Variants in HAUS8 observed in about 807,000 individuals in gnomAD.
The protein encoded by HAUS8 is HAUS augmin-like complex subunit 8.
A neutral mutation model predicts 42.9 loss-of-function variants in HAUS8; 38 were observed. That is an observed-to-expected ratio of 0.89 (90% CI 0.68 to 1.16). HAUS8 has a LOEUF of 1.16. Among genes scored for constraint, HAUS8 ranks in the 50% most tolerant of loss-of-function variants. The pLI is 0.00. For synonymous variants in HAUS8, 199 were observed against 205.8 expected, an observed-to-expected ratio of 0.97 and a Z score of 0.28; for missense variants, 494 against 511.6, an observed-to-expected ratio of 0.97 and a Z score of 0.33.
chr19:17,069,304 G>A (rs1395313820), intron 2 of HAUS8, among the ~76,000 whole-genome samples: 1 of 152,058 alleles, frequency 6.6e-6, no homozygotes, highest in African/African-American at 2.4e-5. Flanking sequence ...CAAGCCATGT[G>A]TGGAGTCACA....
intron 3 of HAUS8, 123 bp from the exon 4 acceptor site, chr19:17,062,902 G>C: frequency 1.4e-6 from 1 of 728,160 alleles, no homozygotes; most frequent in Non-Finnish European, 2.4e-6. Flanking sequence ...GACATTTAAA[G>C]AGGTTTGAAA....
intron 9 of HAUS8, among the ~76,000 whole-genome samples, chr19:17,055,583 G>T (rs2123363273): frequency 6.6e-6 from 1 of 152,178 alleles, no homozygotes; most frequent in Non-Finnish European, 1.5e-5. Flanking sequence ...CGGCATATTT[G>T]TTGGGAGCAG....
Position 17,058,581 on chromosome 19 carries a change from T to C in HAUS8, c.613A>G (p.Lys205Glu). The change falls in exon 8 of 11, where the codon AAG (lysine) becomes GAG (glutamate). Residue 205 changes from lysine (K) to glutamate (E), a missense_variant. By Grantham distance (56) the Lys-to-Glu change is moderately conservative (BLOSUM62 1). Coordinates refer to ENST00000253669, the MANE Select transcript of HAUS8 (RefSeq NM_033417.2). ...TCCAGGACATCTGCCAGCTCCCGCT[T>C]CCTCTGAGAGAGGAGAAGCCTGCGC... ...LKRRLLLSQR[K>E]RELADVLDAQ... The C allele has an allele frequency of 6.2e-7, 1 of 1,609,106 alleles. No individual in the cohort carries two copies. Among genetic ancestry groups the C allele is most frequent in the South Asian group, 1.1e-5 (1 of 90,292 alleles).
At chr19:17,052,202 A>C (rs1229345078) in intron 10 of HAUS8, 3 of 151,742 alleles carry the variant, frequency 2.0e-5, no homozygotes, top group Non-Finnish European at 4.4e-5. Flanking sequence ...TCTTGGCCTA[A>C]AGTGATTCTC....
At chr19:17,067,853 TC>T (rs767041973) in intron 3 of HAUS8, among the ~76,000 whole-genome samples, 1 of 152,146 alleles carries the variant, frequency 6.6e-6, no homozygotes, top group Non-Finnish European at 1.5e-5. Flanking sequence ...GAGGGAAGAA[TC>T]CAACCTTGAC....
At chr19:17,072,338 CT>C (rs71180355) in intron 2 of HAUS8, among the ~76,000 whole-genome samples, 16,579 of 87,406 alleles carry the variant, frequency 0.19, 458 homozygotes, top group African/African-American at 0.23. Flanking sequence ...CGAGCATTTC[CT>C]TTTTTTTTTT....
chr19:17,066,671 G>C (rs2057388847), intron 3 of HAUS8, among the ~76,000 whole-genome samples: 1 of 152,206 alleles, frequency 6.6e-6, no homozygotes, highest in South Asian at 2.1e-4. Context: ...GGAACCCTCA[G>C]AAGTCCTGTG....
intron 10 of HAUS8, among the ~76,000 whole-genome samples, chr19:17,051,075 C>A (rs1300842651): frequency 6.6e-6 from 1 of 152,016 alleles, no homozygotes; most frequent in African/African-American, 2.4e-5. Flanking sequence ...TAATAATAAT[C>A]CCCAATGTGG....
At chr19:17,068,334 G>A (rs1238263826) in intron 3 of HAUS8, among the ~76,000 whole-genome samples, 3 of 151,890 alleles carry the variant, frequency 2.0e-5, no homozygotes, top group Non-Finnish European at 4.4e-5. Context: ...GGCTGGTCTC[G>A]AACTCCTAGC....
At chr19:17,069,165 G>A (rs2057406241) in intron 2 of HAUS8, 79 bp from the exon 3 acceptor site, 2 of 1,269,972 alleles carry the variant, frequency 1.6e-6, no homozygotes, top group South Asian at 1.2e-5. Flanking sequence ...ACGCCCCGGA[G>A]ACCCAGATGC....
At position 17,075,409 on chromosome 19, in the gene HAUS8, G is replaced by C. The variant is rs367760476; in HGVS notation, c.14C>G (p.Ser5Trp). 1.9e-6 allele frequency: 3 copies of C among 1,613,722 alleles called. No individual in the cohort carries two copies. The highest frequency in any genetic ancestry group is 2.2e-5 in the East Asian group (1 of 44,882). The change falls in exon 1 of 11, where the codon TCG (serine) becomes TGG (tryptophan). Residue 5 changes from serine (S) to tryptophan (W), a missense_variant. Physicochemically the swap from Ser to Trp is radical, Grantham distance 177. Transcript: ENST00000253669. ...CCCAACTCACCCAGCGCCTCGCCCCGAGGAATCCGCCATTTTCCCGCCTTC... is the reference window on the plus strand; with the variant it reads ...CCCAACTCACCCAGCGCCTCGCCCCCAGGAATCCGCCATTTTCCCGCCTTC... MADS[S>W]GRGAGKPATG...
intron 2 of HAUS8, 122 bp downstream of exon 2, chr19:17,073,152 A>G (rs2057438783): frequency 2.4e-6 from 2 of 840,104 alleles, no homozygotes; most frequent in Non-Finnish European, 4.1e-6. Flanking sequence ...GAATCCCCAC[A>G]GGTGTGACTA....
At chr19:17,050,733 T>G (rs547000289) in intron 10 of HAUS8, among the ~76,000 whole-genome samples, 1 of 151,734 alleles carries the variant, frequency 6.6e-6, no homozygotes, top group Non-Finnish European at 1.5e-5. Flanking sequence ...CCATCTCTAT[T>G]AAAAATACAA....
intron 2 of HAUS8, among the ~76,000 whole-genome samples, chr19:17,071,942 C>T (rs2057427377): frequency 6.6e-6 from 1 of 152,058 alleles, no homozygotes; most frequent in Non-Finnish European, 1.5e-5. Context: ...GCCGAGATCA[C>T]GCCACTGCAT....
chr19:17,069,251 G>A (rs115924557), intron 2 of HAUS8, among the ~76,000 whole-genome samples, 165 bp from the exon 3 acceptor site: 77 of 152,086 alleles, frequency 5.1e-4, no homozygotes, highest in Admixed American at 4.0e-3. Context: ...CACGTCCTTC[G>A]GCAGCCTCAA....
chr19:17,072,762 G>A (rs377134134), intron 2 of HAUS8, among the ~76,000 whole-genome samples: 2 of 151,894 alleles, frequency 1.3e-5, no homozygotes, highest in African/African-American at 4.8e-5. Context: ...ACCGATAGGT[G>A]GAAATCAGAT....
chr19:17,068,174 T>C (rs2057399371), intron 3 of HAUS8, among the ~76,000 whole-genome samples: 1 of 145,306 alleles, frequency 6.9e-6, no homozygotes, highest in Admixed American at 7.2e-5. Flanking sequence ...AGTGCAGTGG[T>C]TCAATCTTGG....
chr19:17,072,629 C>T (rs1026634441), intron 2 of HAUS8, among the ~76,000 whole-genome samples: 1 of 151,910 alleles, frequency 6.6e-6, no homozygotes, highest in African/African-American at 2.4e-5. Context: ...CGTGAGCCAC[C>T]GTGTCCAGCC....
intron 10 of HAUS8, among the ~76,000 whole-genome samples, chr19:17,051,424 T>G (rs1486385710): frequency 6.6e-6 from 1 of 151,068 alleles, no homozygotes; most frequent in Non-Finnish European, 1.5e-5. Flanking sequence ...TGATGGGTTT[T>G]GGGGGTCTGG....
Sources: allele counts gnomAD v4.1 joint callset (sites outside exome capture counted in the v4.1 genomes callset), GRCh38; gene constraint gnomAD v4.1.1; transcripts MANE v1.5; gene names NCBI Gene and HGNC (gene_info 2026-07-23, HGNC 2026-07-21).